Variants in GRM5 observed in about 807,000 individuals in gnomAD.
GRM5 encodes metabotropic glutamate receptor 5.
A neutral mutation model predicts 83.1 loss-of-function variants in GRM5; 19 were observed. The observed-to-expected ratio is 0.23, with a 90% CI of 0.16 to 0.34. GRM5 has a LOEUF of 0.34. Ranked by LOEUF, GRM5 falls within the 10% of genes least tolerant of loss-of-function variation. The probability of loss-of-function intolerance (pLI) is 1.00; values close to 1 mark genes in which losing one functional copy is unlikely to be tolerated. For synonymous variants in GRM5, 675 were observed against 633.6 expected, an observed-to-expected ratio of 1.07 and a Z score of -0.98; for missense variants, 1,160 against 1,588.3, an observed-to-expected ratio of 0.73 and a Z score of 4.58.
intron 3 of GRM5, among the ~76,000 whole-genome samples, chr11:88,725,059 C>G (rs559162529): frequency 6.6e-6 from 1 of 152,114 alleles, no homozygotes; most frequent in Admixed American, 6.5e-5. Context: ...CCATTCACTC[C>G]CCTGGAAAGG....
At chr11:88,950,178 T>A (rs1293198313) in intron 2 of GRM5, among the ~76,000 whole-genome samples, 1 of 152,030 alleles carries the variant, frequency 6.6e-6, no homozygotes, top group Non-Finnish European at 1.5e-5. Flanking sequence ...CCGGCCGAAT[T>A]TCCTTGTTAT....
intron 3 of GRM5, among the ~76,000 whole-genome samples, chr11:88,766,266 A>G (rs1942622883): frequency 6.6e-6 from 1 of 152,040 alleles, no homozygotes; most frequent in African/African-American, 2.4e-5. Context: ...CTCAGCAAGA[A>G]GTACAAAGCT....
chr11:88,516,361 A>T (rs1941520266), intron 9 of GRM5, among the ~76,000 whole-genome samples: 1 of 152,142 alleles, frequency 6.6e-6, no homozygotes, highest in African/African-American at 2.4e-5. Context: ...ACACACAGGA[A>T]CCAAGGGGCT....
intron 3 of GRM5, among the ~76,000 whole-genome samples, chr11:88,724,755 G>C (rs1335727423): frequency 1.3e-5 from 2 of 152,050 alleles, no homozygotes; most frequent in African/African-American, 4.8e-5. Flanking sequence ...GCCCATGGAG[G>C]GTGAGCTGAA....
At chr11:88,893,365 G>A (rs1945180294) in intron 2 of GRM5, among the ~76,000 whole-genome samples, 1 of 151,974 alleles carries the variant, frequency 6.6e-6, no homozygotes, top group Non-Finnish European at 1.5e-5. Context: ...CAGAAGATTT[G>A]AGCATGTTAT....
intron 3 of GRM5, among the ~76,000 whole-genome samples, chr11:88,808,559 A>G (rs1314818653): frequency 1.3e-5 from 2 of 152,030 alleles, no homozygotes; most frequent in Non-Finnish European, 2.9e-5. Flanking sequence ...GTGAAAAAGT[A>G]TATTTCCACA....
intron 3 of GRM5, among the ~76,000 whole-genome samples, chr11:88,743,357 G>A (rs1002638764): frequency 6.6e-6 from 1 of 152,134 alleles, no homozygotes; most frequent in Non-Finnish European, 1.5e-5. Flanking sequence ...AGATTCTAGG[G>A]GGAAGGGGAA....
chr11:88,538,905 G>A (rs1236940957), intron 8 of GRM5, among the ~76,000 whole-genome samples: 1 of 152,226 alleles, frequency 6.6e-6, no homozygotes, highest in Admixed American at 6.5e-5. Flanking sequence ...AATAGTAGCT[G>A]TGCCATTTGT....
At chr11:88,787,890 C>G (rs774799729) in intron 3 of GRM5, among the ~76,000 whole-genome samples, 2 of 152,130 alleles carry the variant, frequency 1.3e-5, no homozygotes, top group Non-Finnish European at 2.9e-5. Flanking sequence ...GTTTGAAAGG[C>G]TTATGTGATA....
chr11:88,695,557 C>T (rs1447444716), intron 3 of GRM5, among the ~76,000 whole-genome samples: 1 of 152,114 alleles, frequency 6.6e-6, no homozygotes, highest in East Asian at 1.9e-4. Flanking sequence ...TTCCCATTGC[C>T]AAAGAAACAT....
At chr11:88,719,434 G>A (rs968091823) in intron 3 of GRM5, among the ~76,000 whole-genome samples, 15 of 152,038 alleles carry the variant, frequency 9.9e-5, no homozygotes, top group Admixed American at 3.3e-4. Context: ...TGGTGTATAT[G>A]TATCACATTT....
intron 8 of GRM5, among the ~76,000 whole-genome samples, chr11:88,556,809 C>T (rs1942639822): frequency 6.6e-6 from 1 of 152,036 alleles, no homozygotes; most frequent in Admixed American, 6.6e-5. Flanking sequence ...TTCCCTATAC[C>T]ACACTACTTC....
At chr11:88,815,789 T>A (rs984923335) in intron 3 of GRM5, among the ~76,000 whole-genome samples, 10 of 152,196 alleles carry the variant, frequency 6.6e-5, no homozygotes, top group African/African-American at 2.4e-4. Context: ...TCGGTTCCCA[T>A]ACCCACATAC....
intron 3 of GRM5, among the ~76,000 whole-genome samples, chr11:88,823,754 T>A (rs963266677): frequency 5.3e-5 from 8 of 152,138 alleles, no homozygotes; most frequent in African/African-American, 1.9e-4. Flanking sequence ...TATCAACATT[T>A]AGTTTGTAAA....
At chr11:88,828,729 G>A (rs929933197) in intron 3 of GRM5, among the ~76,000 whole-genome samples, 3 of 151,984 alleles carry the variant, frequency 2.0e-5, no homozygotes, top group African/African-American at 7.2e-5. Context: ...TAAAATTATT[G>A]TGCATGTTTA....
At chr11:88,646,764 A>G (rs1225478651) in intron 4 of GRM5, among the ~76,000 whole-genome samples, 2 of 152,010 alleles carry the variant, frequency 1.3e-5, no homozygotes, top group Non-Finnish European at 2.9e-5. Context: ...CAAAGAGAAG[A>G]GCAGCAAAGA....
Position 88,567,841 on chromosome 11 carries a change from G to A in GRM5, c.1842C>T (p.Ser614=), listed in dbSNP as rs1942906136. The A allele has an allele frequency of 6.2e-7, 1 of 1,613,898 alleles. No homozygotes were observed. Among genetic ancestry groups the A allele is most frequent in the African/African-American group, 1.3e-5 (1 of 74,930 alleles). The change falls in exon 8 of 10, where the codon AGC becomes AGT. Residue 614 remains serine, a synonymous_variant. Coordinates refer to ENST00000305447, the MANE Select transcript of GRM5 (RefSeq NM_001143831.3). This position sits in a 1 kb window ranked among gnomAD's most constrained non-coding sequence, Gnocchi z 7.3. ...YRDTPVVKSS[S]RELCYIILAG... The stretch of plus-strand genomic sequence containing the variant: ...CAAGGATAATGTAGCAGAGTTCCCT[G>A]CTTGAGGACTTGACTACTGGTGTAT...
intron 4 of GRM5, among the ~76,000 whole-genome samples, chr11:88,609,996 T>C (rs1729948633): frequency 1.3e-5 from 2 of 152,198 alleles, no homozygotes; most frequent in Non-Finnish European, 2.9e-5. Context: ...GGAAGTCCTT[T>C]CCCCACTGTT....
chr11:88,557,948 G>C (rs916986888), intron 8 of GRM5, among the ~76,000 whole-genome samples: 10 of 151,992 alleles, frequency 6.6e-5, no homozygotes, highest in African/African-American at 2.4e-4. Context: ...ATTGGACTTA[G>C]TTTATTCTTC....
Sources: allele counts gnomAD v4.1 joint callset (sites outside exome capture counted in the v4.1 genomes callset), GRCh38; gene constraint gnomAD v4.1.1; non-coding constraint Gnocchi (gnomAD v3.1); transcripts MANE v1.5; gene names NCBI Gene and HGNC (gene_info 2026-07-23, HGNC 2026-07-21).